The following TIAM1 variants were observed in gnomAD, a reference collection of about 807,000 sequenced individuals.
The protein encoded by TIAM1 is TIAM Rac1 associated GEF 1.
Under a neutral mutation model 163.5 loss-of-function variants are expected in TIAM1, and 65 were observed. The observed-to-expected ratio is 0.40, with a 90% confidence interval of 0.33 to 0.49. The LOEUF is 0.49. Among genes scored for constraint, TIAM1 ranks in the 20% least tolerant of loss-of-function variants. The probability of loss-of-function intolerance (pLI) is 0.77; values close to 1 mark genes in which losing one functional copy is unlikely to be tolerated. For missense variants in TIAM1, 1,789 were observed against 2,044.7 expected, an observed-to-expected ratio of 0.87 and a Z score of 2.41; for synonymous variants, 833 against 810.1, an observed-to-expected ratio of 1.03 and a Z score of -0.48.
rs2073321191 is a variant in TIAM1, at chr21:31,276,855, C to G, written c.-135G>C. ...GGCTGGGGACGATGTCAGCACCTGC[C>G]CCCTGCGGTGGCCATCACAGTTTCA... On this transcript the variant is annotated 5_prime_UTR_variant, in exon 3 of 28. Coordinates refer to ENST00000541036, the MANE Select transcript of TIAM1 (RefSeq NM_001353694.2). 1.3e-5 allele frequency: 2 copies of G among 152,178 alleles called. No homozygotes were observed. The highest frequency in any genetic ancestry group is 6.5e-5 in the Admixed American group (1 of 15,276). The allele number at this position is 152,178 out of a possible 1,614,324, so 9.4% of individuals were successfully genotyped here. A position where few individuals can be genotyped will look rare whatever the true frequency, so the allele number is the denominator to read the frequency against.
chr21:31,171,064 T>TAAAAAA (rs2084492035), intron 15 of TIAM1, among the ~76,000 whole-genome samples: 1 of 134,058 alleles, frequency 7.5e-6, no homozygotes, highest in African/African-American at 3.3e-5. Flanking sequence ...AAAAAAAAAT[T>TAAAAAA]GGGGGCCATC....
At chr21:31,217,422 C>A (rs2087281744) in intron 9 of TIAM1, 131 bp downstream of exon 9, 7 of 1,251,256 alleles carry the variant, frequency 5.6e-6, no homozygotes, top group African/African-American at 1.5e-5. Context: ...TCTAGCACAG[C>A]TAGTTTCTTT....
chr21:31,146,775 G>T (rs1601283544), intron 20 of TIAM1, 120 bp downstream of exon 20: 1 of 715,556 alleles, frequency 1.4e-6, no homozygotes, highest in Non-Finnish European at 2.4e-6. Flanking sequence ...TCAGTGGCTT[G>T]CTGGAACATC....
intron 16 of TIAM1, among the ~76,000 whole-genome samples, 168 bp from the exon 17 acceptor site, chr21:31,154,594 TC>T (rs778929928): frequency 1.3e-5 from 2 of 152,206 alleles, no homozygotes; most frequent in South Asian, 2.1e-4. Flanking sequence ...TCTTGAATGC[TC>T]ATAACAACCA....
At chr21:31,311,460 C>T (rs964057592) in intron 2 of TIAM1, among the ~76,000 whole-genome samples, 2 of 152,204 alleles carry the variant, frequency 1.3e-5, no homozygotes, top group African/African-American at 4.8e-5. Context: ...TTTATCATCA[C>T]CCTTGTCCAA....
At chr21:31,333,352 T>G (rs768174190) in intron 2 of TIAM1, among the ~76,000 whole-genome samples, 7 of 152,220 alleles carry the variant, frequency 4.6e-5, no homozygotes, top group Non-Finnish European at 8.8e-5. Flanking sequence ...CTCTTCAAAT[T>G]TATCAAACTT....
intron 2 of TIAM1, among the ~76,000 whole-genome samples, chr21:31,406,898 A>T (rs1327978489): frequency 1.3e-5 from 2 of 152,102 alleles, no homozygotes; most frequent in Non-Finnish European, 2.9e-5. Flanking sequence ...TCTGCAGATC[A>T]CTCTATTAAA....
At chr21:31,451,338 A>G (rs2044831255) in intron 2 of TIAM1, among the ~76,000 whole-genome samples, 1 of 152,162 alleles carries the variant, frequency 6.6e-6, no homozygotes. Context: ...TTTGATTAAT[A>G]TTATCATATT....
At chr21:31,494,637 G>A (rs1283232862) in intron 1 of TIAM1, among the ~76,000 whole-genome samples, 1 of 152,220 alleles carries the variant, frequency 6.6e-6, no homozygotes, top group East Asian at 1.9e-4. Context: ...ACGGTCAAGA[G>A]ATGGAGACCA....
intron 2 of TIAM1, among the ~76,000 whole-genome samples, chr21:31,307,516 A>G (rs1028728716): frequency 3.3e-5 from 5 of 151,938 alleles, no homozygotes; most frequent in African/African-American, 1.2e-4. Flanking sequence ...CTGAACAAAC[A>G]CATGGGTTCT....
intron 14 of TIAM1, among the ~76,000 whole-genome samples, chr21:31,186,796 GA>G (rs939570474): frequency 6.6e-6 from 1 of 150,642 alleles, no homozygotes; most frequent in Non-Finnish European, 1.5e-5. Context: ...ATTAAAAAAA[GA>G]AAAAAAAAGT....
At position 31,155,906 on chromosome 21, in the gene TIAM1, C is replaced by T. The variant is rs74510957; in HGVS notation, c.2992-1480G>A. On this transcript the variant is annotated intron_variant, in intron 16 of 27. Transcript: ENST00000541036. ...AAAGCATTTCCAGTAAATACCGGTG[C>T]AAATAAAGAATAACTTCTTCTATCA... is the stretch of plus-strand genomic sequence containing the variant. Among the ~76,000 whole-genome samples the T allele has an allele frequency of 8.4e-3, 1,275 of 152,312 alleles. 20 individuals carry two copies. Among genetic ancestry groups the T allele is most frequent in the African/African-American group, 0.029 (1,198 of 41,542 alleles).
chr21:31,120,726 T>C lies in TIAM1; in HGVS notation c.4418A>G (p.Gln1473Arg). ...SASSPEKESQ[Q>R]PPGGGDTDRW... ...GTCAGTGTCCCCACCACCGGGGGGC[T>C]GCTGGGACTCTTTCTCCGGGCTGCT... Residue 1473 changes from glutamine to arginine, a missense_variant, in exon 28 of 28, where the codon CAG (glutamine) becomes CGG (arginine). By Grantham distance (43) the Gln-to-Arg change is conservative (BLOSUM62 1). Around this residue, in one of 5 missense-constraint regions of TIAM1, gnomAD observed 415 missense variants for 439.2 expected, o/e 0.94. Transcript: ENST00000541036. This position sits in a 1 kb window ranked among gnomAD's most constrained non-coding sequence, Gnocchi z 4.2. 6.2e-7 allele frequency: 1 copy of C among 1,614,072 alleles called. No homozygotes were observed. Among genetic ancestry groups the C allele is most frequent in the African/African-American group, 1.3e-5 (1 of 75,034 alleles).
chr21:31,522,692 T>C (rs753761843), intron 1 of TIAM1, among the ~76,000 whole-genome samples: 8 of 152,170 alleles, frequency 5.3e-5, no homozygotes, highest in Non-Finnish European at 1.2e-4. Context: ...CTAACACGAA[T>C]GTTCCACAAC....
intron 5 of TIAM1, 74 bp from the exon 6 acceptor site, chr21:31,245,734 C>T: frequency 2.4e-6 from 3 of 1,260,484 alleles, no homozygotes; most frequent in East Asian, 6.1e-5. Flanking sequence ...TTGAACCTAA[C>T]ATGTGCACCC....
At chr21:31,206,936 T>TACACACACACACACAC (rs142792769) in intron 11 of TIAM1, among the ~76,000 whole-genome samples, 3,555 of 151,334 alleles carry the variant, frequency 0.023, 139 homozygotes, top group African/African-American at 0.079. Flanking sequence ...GAAATATGTA[T>TACACACACACACACAC]ACACACACAC....
At chr21:31,206,967 G>A (rs1009325707) in intron 11 of TIAM1, among the ~76,000 whole-genome samples, 2 of 142,428 alleles carry the variant, frequency 1.4e-5, no homozygotes, top group African/African-American at 6.1e-5. Context: ...TGCTATTGTA[G>A]AATTTCTAAA....
intron 1 of TIAM1, among the ~76,000 whole-genome samples, chr21:31,472,780 TG>T (rs562177934): frequency 1.7e-3 from 260 of 152,324 alleles, no homozygotes; most frequent in African/African-American, 6.0e-3. Flanking sequence ...ATCTGTTAAA[TG>T]GGGATAATAA....
intron 2 of TIAM1, among the ~76,000 whole-genome samples, chr21:31,417,364 T>C (rs891220796): frequency 1.3e-5 from 2 of 152,144 alleles, no homozygotes; most frequent in Non-Finnish European, 2.9e-5. Flanking sequence ...AATGGACTCA[T>C]AGTTCCACAT....
Sources: gnomAD v4.1 joint callset for allele counts (sites outside exome capture counted in the v4.1 genomes callset) on GRCh38, gnomAD v4.1.1 for gene constraint, gnomAD v4.1.1 regional missense constraint, Gnocchi (gnomAD v3.1) non-coding constraint, MANE v1.5 for transcripts, NCBI Gene and HGNC (gene_info 2026-07-23, HGNC 2026-07-21) for gene names.